The following PACS2 variants were observed in gnomAD, a reference collection of about 807,000 sequenced individuals.
The protein encoded by PACS2 is phosphofurin acidic cluster sorting protein 2.
A neutral mutation model predicts 113.0 loss-of-function variants in PACS2; 36 were observed. That is an observed-to-expected ratio of 0.32 (90% CI 0.24 to 0.42). The LOEUF (loss-of-function observed/expected upper bound fraction) is 0.42, where lower values mean the gene tolerates loss of function less well. PACS2 is among the 10% of genes least tolerant of loss of function. PACS2 has a pLI of 1.00. For synonymous variants in PACS2, 589 were observed against 536.1 expected, an observed-to-expected ratio of 1.10 and a Z score of -1.36; for missense variants, 1,015 against 1,239.5, an observed-to-expected ratio of 0.82 and a Z score of 2.72.
chr14:105,388,533 TTC>T (rs1197622551), intron 19 of PACS2: 2 of 152,484 alleles, frequency 1.3e-5, no homozygotes, highest in South Asian at 2.1e-4. Flanking sequence ...CTGCAAGGGA[TTC>T]TCTCTGAATG....
At chr14:105,335,322 G>A (rs2059471945) in intron 1 of PACS2, among the ~76,000 whole-genome samples, 1 of 150,962 alleles carries the variant, frequency 6.6e-6, no homozygotes, top group African/African-American at 2.5e-5. Context: ...TGCCTGGAGT[G>A]GCTGTGACGC....
At position 105,391,182 on chromosome 14, in the gene PACS2, C is replaced by G. The variant is rs370897558; in HGVS notation, c.2077-25C>G. 9.4e-6 allele frequency: 15 copies of G among 1,601,828 alleles called. No individual in the cohort carries two copies. In the Admixed American group the frequency reaches 1.2e-4, roughly 12 times the overall value. On this transcript the variant is annotated intron_variant, in intron 20 of 24. Transcript: ENST00000447393. ...GGCTAGCTGAATTGCACGGCTTTCA[C>G]CAGCCAGTGCCTGTTGTTTTCTAGG...
Position 105,323,472 on chromosome 14 carries a change from C to T in PACS2, c.119+8435C>T, listed in dbSNP as rs1341994955. Among the ~76,000 whole-genome samples the T allele has an allele frequency of 6.6e-6, 1 of 152,248 alleles. No homozygotes were observed. The highest frequency in any genetic ancestry group is 2.4e-5 in the African/African-American group (1 of 41,470). On this transcript the variant is annotated intron_variant, in intron 1 of 24. Coordinates refer to ENST00000447393, the MANE Select transcript of PACS2 (RefSeq NM_001100913.3). This position sits in a 1 kb window ranked among gnomAD's most constrained non-coding sequence, Gnocchi z 4.1. ...CGAGACTCTCACGGCGGGACCCTGT[C>T]TGCCTTGCTCGGTGCTGCCCAGAGC...
In PACS2 at chr14:105,368,482, C is replaced by T. The variant is rs781791295; in HGVS notation, c.684C>T (p.Asp228=). The T allele has an allele frequency of 2.2e-5, 35 of 1,613,820 alleles. No homozygotes were observed. Among genetic ancestry groups the T allele is most frequent in the African/African-American group, 1.3e-4 (10 of 74,934 alleles). ...AGGACTTGGACGAGGACGACTTTGA[C>T]GTGGGGAAGCCGAAGAAGCAGCGGA... ...QGQDLDEDDF[D]VGKPKKQRRS... is the part of the protein sequence containing the mutation. Residue 228 remains aspartate, a synonymous_variant, in exon 7 of 25, where the codon GAC becomes GAT. Transcript: ENST00000447393.
At position 105,379,583 on chromosome 14, in the gene PACS2, G is replaced by A. The variant is rs963028131; in HGVS notation, c.960-156G>A. Among the ~76,000 whole-genome samples the A allele has an allele frequency of 3.0e-4, 46 of 152,196 alleles. 1 individual carries two copies. Among genetic ancestry groups the A allele is most frequent in the Non-Finnish European group, 5.7e-4 (39 of 68,038 alleles). On this transcript the variant is annotated intron_variant, in intron 9 of 24. Coordinates refer to ENST00000447393, the MANE Select transcript of PACS2 (RefSeq NM_001100913.3). ...GCCCTGTGCTGCAGCTGGTGCGAGC[G>A]GGGTGTGCGCTGACACGGGCTCTTC... is the stretch of plus-strand genomic sequence containing the variant.
rs994301729 is a variant in PACS2 at position 105,395,064 on chromosome 14, G to A, written c.*392G>A. 3 of 228,848 alleles carry A rather than the reference G, an allele frequency of 1.3e-5. No individual in the cohort carries two copies. The highest frequency in any genetic ancestry group is 2.3e-5 in the African/African-American group (1 of 44,040). 14.2% of individuals were successfully genotyped at this position (228,848 alleles called of 1,614,324 possible). A position where few individuals can be genotyped will look rare whatever the true frequency, so the allele number is the denominator to read the frequency against. Reference sequence around the variant, plus strand: ...AGGCGGAGCTCAGTGGCCACAGGCCGAGGGCCATGGGGCCGCTCAGTCCCG... The same window carrying A: ...AGGCGGAGCTCAGTGGCCACAGGCCAAGGGCCATGGGGCCGCTCAGTCCCG... On this transcript the variant is annotated 3_prime_UTR_variant, in exon 25 of 25. Transcript: ENST00000447393.
In PACS2 at chr14:105,340,814, C is replaced by T. The variant is rs10132438; in HGVS notation, c.120-7679C>T. ...CTCCTGTCCTGGCTTGGCTTCTGCC[C>T]CTGGGTCCGTGGTGGCTGCCTGGGA... is the stretch of plus-strand genomic sequence containing the variant. On this transcript the variant is annotated intron_variant, in intron 1 of 24. Coordinates refer to ENST00000447393, the MANE Select transcript of PACS2 (RefSeq NM_001100913.3). The surrounding 1 kb of genome is among the most constrained non-coding windows in gnomAD (Gnocchi z 4.2). Among the ~76,000 whole-genome samples, 20,622 of 152,276 alleles carry T rather than the reference C, an allele frequency of 0.14. 4,718 individuals carry two copies. The highest frequency in any genetic ancestry group is 0.47 in the African/African-American group (19,486 of 41,518).
chr14:105,307,787 G>A (rs1297981682), intron 1 of PACS2, among the ~76,000 whole-genome samples: 1 of 152,238 alleles, frequency 6.6e-6, no homozygotes, highest in Non-Finnish European at 1.5e-5. Flanking sequence ...TGGAGGACAT[G>A]TGTCTGGTAG....
intron 3 of PACS2, among the ~76,000 whole-genome samples, chr14:105,353,925 T>C (rs1303835428): frequency 6.6e-6 from 1 of 151,690 alleles, no homozygotes; most frequent in Non-Finnish European, 1.5e-5. Flanking sequence ...ATAAAGAGAA[T>C]ATAAGGCCGG....
At chr14:105,321,226 T>G (rs1219971311) in intron 1 of PACS2, among the ~76,000 whole-genome samples, 1 of 152,252 alleles carries the variant, frequency 6.6e-6, no homozygotes, top group African/African-American at 2.4e-5. Context: ...GTGCAGTGTT[T>G]GTCTATTAGA....
intron 1 of PACS2, among the ~76,000 whole-genome samples, chr14:105,322,485 C>T (rs368500254): frequency 2.6e-5 from 4 of 151,994 alleles, no homozygotes; most frequent in South Asian, 2.1e-4. Flanking sequence ...AGACTGGTCT[C>T]GAACTCCTGA....
In PACS2 at chr14:105,316,412, G is replaced by A. The variant is rs75437746; in HGVS notation, c.119+1375G>A. ...GATTGCCCCAATGTCAGGTCCCACA[G>A]CCCCACAGCCCTTCTCCTGTCTGCC... On this transcript the variant is annotated intron_variant, in intron 1 of 24. Transcript: ENST00000447393. Among the ~76,000 whole-genome samples the A allele has an allele frequency of 6.4e-3, 982 of 152,328 alleles. 86 individuals are homozygous for A. The East Asian group carries it at 0.14, about 22-fold the overall frequency.
chr14:105,311,956 C>A (rs1181761530), upstream of PACS2, among the ~76,000 whole-genome samples: 1 of 152,230 alleles, frequency 6.6e-6, no homozygotes, highest in African/African-American at 2.4e-5. Flanking sequence ...AGGGACCTGG[C>A]CACGTGGGGC....
At chr14:105,321,571 CG>C (rs1199769692) in intron 1 of PACS2, among the ~76,000 whole-genome samples, 2 of 152,040 alleles carry the variant, frequency 1.3e-5, no homozygotes, top group African/African-American at 2.4e-5. Context: ...CCATGTTGCT[CG>C]GGCTGATCTT....
Position 105,323,325 on chromosome 14 carries a change from G to A in PACS2, c.119+8288G>A, listed in dbSNP as rs1312532051. ...TCCACATCCATAGATGCACTGGGTG[G>A]TGTCAGTGGGCGGCGGCTGGCTGGG... On this transcript the variant is annotated intron_variant, in intron 1 of 24. Transcript: ENST00000447393. The surrounding 1 kb of genome is among the most constrained non-coding windows in gnomAD (Gnocchi z 4.1). Among the ~76,000 whole-genome samples the A allele has an allele frequency of 6.6e-6, 1 of 152,228 alleles. No homozygotes were observed. Among genetic ancestry groups the A allele is most frequent in the African/African-American group, 2.4e-5 (1 of 41,460 alleles).
In PACS2 at chr14:105,376,980, C is replaced by G; in HGVS notation, c.959+55C>G. The stretch of plus-strand genomic sequence containing the variant: ...ACAGCCATTTCAGATGCCCCGGCCA[C>G]TCTGCGACCACTCTGGCAGACCCAT... On this transcript the variant is annotated intron_variant, in intron 9 of 24. Transcript: ENST00000447393. The surrounding 1 kb of genome is among the most constrained non-coding windows in gnomAD (Gnocchi z 4.7). 1 of 1,514,450 alleles carries G rather than the reference C, an allele frequency of 6.6e-7. No individual in the cohort carries two copies. The highest frequency in any genetic ancestry group is 2.0e-5 in the Admixed American group (1 of 51,168). The allele number at this position is 1,514,450 out of a possible 1,614,324, so 93.8% of individuals were successfully genotyped here.
chr14:105,384,053 C>T (rs782773825), intron 16 of PACS2: 8 of 400,358 alleles, frequency 2.0e-5, no homozygotes, highest in African/African-American at 4.1e-5. Flanking sequence ...CTCACGATGC[C>T]GACGTCAGAG....
chr14:105,367,527 C>A, intron 5 of PACS2, 152 bp downstream of exon 5: 1 of 747,916 alleles, frequency 1.3e-6, no homozygotes, highest in Middle Eastern at 3.7e-4. Flanking sequence ...GAAGCCACAG[C>A]AGAGGTGCGC....
In PACS2 at chr14:105,348,479, G is replaced by C; in HGVS notation, c.120-14G>C. On this transcript the variant is annotated splice_polypyrimidine_tract_variant and intron_variant, in intron 1 of 24. Transcript: ENST00000447393. This position sits in a 1 kb window ranked among gnomAD's most constrained non-coding sequence, Gnocchi z 6.4. ...GGGCGGAGCCCCGAGGCTGAGCTGT[G>C]CCTTGCCTCACAGGTTGTGCAGCCT... 6.2e-7 allele frequency: 1 copy of C among 1,604,498 alleles called. No homozygotes were observed. The highest frequency in any genetic ancestry group is 8.5e-7 in the Non-Finnish European group (1 of 1,173,454).
Sources: allele counts gnomAD v4.1 joint callset (sites outside exome capture counted in the v4.1 genomes callset), GRCh38; gene constraint gnomAD v4.1.1; non-coding constraint Gnocchi (gnomAD v3.1); transcripts MANE v1.5; gene names NCBI Gene and HGNC (gene_info 2026-07-23, HGNC 2026-07-21).